Variants in CCAR1 observed in about 807,000 individuals in gnomAD.
The protein encoded by CCAR1 is cell division cycle and apoptosis regulator 1.
CCAR1 carries 78 observed loss-of-function variants against 163.8 expected under a neutral mutation model. That is an observed-to-expected ratio of 0.48 (90% CI 0.40 to 0.57). The LOEUF (loss-of-function observed/expected upper bound fraction) is 0.57. CCAR1 is among the 20% of genes least tolerant of loss of function. The pLI, the probability that CCAR1 is intolerant of heterozygous loss-of-function variation, is 0.00. For synonymous variants in CCAR1, 443 were observed against 460.7 expected (o/e 0.96, Z 0.49); for missense variants, 1,019 against 1,365.2 (o/e 0.75, Z 4.00).
chr10:68,783,138 G>C (rs2056756128), intron 19 of CCAR1, among the ~76,000 whole-genome samples: 1 of 151,402 alleles, frequency 6.6e-6, no homozygotes, highest in Non-Finnish European at 1.5e-5. Flanking sequence ...AAGTAGCTGG[G>C]ATTACAGGCA....
At chr10:68,736,636 T>TG (rs1382903256) in intron 2 of CCAR1, among the ~76,000 whole-genome samples, 1 of 152,174 alleles carries the variant, frequency 6.6e-6, no homozygotes, top group Non-Finnish European at 1.5e-5. Context: ...GGTTCATACG[T>TG]GGTGCAAATT....
At chr10:68,738,311 G>T (rs980852112) in intron 4 of CCAR1, among the ~76,000 whole-genome samples, 3 of 152,130 alleles carry the variant, frequency 2.0e-5, no homozygotes, top group African/African-American at 4.8e-5. Flanking sequence ...CTACGTGGGA[G>T]GCTGAGACAG....
chr10:68,753,799 G>A (rs1031871293), intron 10 of CCAR1, 53 bp from the exon 11 acceptor site: 6 of 1,287,138 alleles, frequency 4.7e-6, no homozygotes, highest in Middle Eastern at 1.9e-4. Flanking sequence ...TTAAATGTTT[G>A]TGTAACCTTT....
chr10:68,763,142 T>A (rs2056494204), intron 16 of CCAR1, among the ~76,000 whole-genome samples: 2 of 147,770 alleles, frequency 1.4e-5, no homozygotes, highest in South Asian at 4.1e-4. Context: ...ATTTTTTAAC[T>A]TTATTTGTTT....
chr10:68,723,741 G>A (rs568460722), intron 2 of CCAR1, among the ~76,000 whole-genome samples: 100 of 151,912 alleles, frequency 6.6e-4, no homozygotes, highest in Middle Eastern at 6.8e-3. Flanking sequence ...CCAGTTACTC[G>A]GGATGCTGAG....
chr10:68,782,078 C>T (rs1476780213), intron 19 of CCAR1, among the ~76,000 whole-genome samples: 1 of 152,134 alleles, frequency 6.6e-6, no homozygotes, highest in Admixed American at 6.6e-5. Flanking sequence ...GGAAATGAAA[C>T]AGCTTTATTG....
intron 6 of CCAR1, among the ~76,000 whole-genome samples, chr10:68,744,584 G>A (rs2056227736): frequency 6.6e-6 from 1 of 152,146 alleles, no homozygotes; most frequent in Non-Finnish European, 1.5e-5. Flanking sequence ...TTATAGCTTT[G>A]TAGTGTTTGT....
intron 1 of CCAR1, among the ~76,000 whole-genome samples, chr10:68,722,109 TTTCC>T (rs1344668489): frequency 1.3e-5 from 2 of 152,170 alleles, no homozygotes; most frequent in African/African-American, 4.8e-5. Context: ...GCAGGCTGTA[TTTCC>T]TGTGAATATA....
intron 2 of CCAR1, among the ~76,000 whole-genome samples, chr10:68,725,008 C>T (rs1398258309): frequency 1.3e-5 from 2 of 151,912 alleles, no homozygotes; most frequent in East Asian, 1.9e-4. Flanking sequence ...CGTGGTGGCA[C>T]GTGTCTGTAA....
At chr10:68,728,290 T>C (rs1456734906) in intron 2 of CCAR1, among the ~76,000 whole-genome samples, 3 of 150,996 alleles carry the variant, frequency 2.0e-5, no homozygotes, top group Non-Finnish European at 4.4e-5. Flanking sequence ...AACATCCATT[T>C]CATTTTTTGA....
intron 6 of CCAR1, among the ~76,000 whole-genome samples, chr10:68,746,913 T>C (rs527481917): frequency 5.7e-4 from 87 of 152,048 alleles, no homozygotes; most frequent in Non-Finnish European, 9.4e-4. Flanking sequence ...TTATTATACT[T>C]TAAGTTTTAG....
intron 17 of CCAR1, among the ~76,000 whole-genome samples, chr10:68,769,397 G>A (rs2056573508): frequency 6.6e-6 from 1 of 152,178 alleles, no homozygotes; most frequent in Non-Finnish European, 1.5e-5. Flanking sequence ...GAGGCAGGCG[G>A]ATCGCCTGAG....
At chr10:68,786,932 A>G (rs1055684489) in intron 21 of CCAR1, 5 of 309,362 alleles carry the variant, frequency 1.6e-5, no homozygotes, top group African/African-American at 1.1e-4. Flanking sequence ...TAAAAATGCA[A>G]AAATTAGCTG....
intron 18 of CCAR1, 27 bp downstream of exon 18, chr10:68,771,472 G>C: frequency 6.5e-7 from 1 of 1,538,872 alleles, no homozygotes; most frequent in Non-Finnish European, 8.8e-7. Context: ...TGCTTTAGAA[G>C]CTTTCAGTTA....
intron 6 of CCAR1, among the ~76,000 whole-genome samples, chr10:68,745,921 A>G (rs2056247770): frequency 6.6e-6 from 1 of 151,796 alleles, no homozygotes; most frequent in Non-Finnish European, 1.5e-5. Flanking sequence ...AGAGGCATGA[A>G]CCACTGTACC....
In CCAR1 at chr10:68,749,628, G is replaced by T; in HGVS notation, c.1061G>T (p.Arg354Ile). 1 of 1,614,066 alleles carries T rather than the reference G, an allele frequency of 6.2e-7. No homozygotes were observed. The highest frequency in any genetic ancestry group is 8.5e-7 in the Non-Finnish European group (1 of 1,179,924). ...PRRERERSPR[R>I]VRRVVPRYTV... Reference sequence around the variant, plus strand: ...AGAGAGCGAGAGCGATCACCTCGGAGAGTTCGACGTGTTGTTCCACGTTAC... The same window carrying T: ...AGAGAGCGAGAGCGATCACCTCGGATAGTTCGACGTGTTGTTCCACGTTAC... The change falls in exon 10 of 25, where the codon AGA becomes ATA. Residue 354 changes from arginine to isoleucine, a missense_variant. This residue lies in a region of CCAR1 where 644 missense variants were observed against 904.4 expected (regional missense o/e 0.71). Transcript: ENST00000265872.
At chr10:68,729,429 C>T (rs2056001326) in intron 2 of CCAR1, among the ~76,000 whole-genome samples, 1 of 151,706 alleles carries the variant, frequency 6.6e-6, no homozygotes, top group South Asian at 2.1e-4. Flanking sequence ...GCCACCACGC[C>T]CGGCTAATTT....
At chr10:68,722,665 C>T (rs2055876318) in intron 2 of CCAR1, 88 bp downstream of exon 2, 2 of 993,628 alleles carry the variant, frequency 2.0e-6, no homozygotes, top group South Asian at 1.3e-5. Context: ...TGGCTCACGC[C>T]TGTTATCCTA....
intron 17 of CCAR1, among the ~76,000 whole-genome samples, chr10:68,770,939 G>A (rs976209703): frequency 1.3e-5 from 2 of 152,020 alleles, no homozygotes; most frequent in Non-Finnish European, 2.9e-5. Flanking sequence ...TTAGCCGGGC[G>A]TGGTGGCGGG....
Sources: allele counts gnomAD v4.1 joint callset (sites outside exome capture counted in the v4.1 genomes callset), GRCh38; gene constraint gnomAD v4.1.1; regional missense constraint gnomAD v4.1.1; transcripts MANE v1.5; gene names NCBI Gene and HGNC (gene_info 2026-07-23, HGNC 2026-07-21).